Variants in ATAD2B observed in about 807,000 individuals in gnomAD.
The protein encoded by ATAD2B is ATPase family AAA domain containing 2B, also known as ATPase family AAA domain-containing protein 2B.
ATAD2B carries 40 observed loss-of-function variants against 167.6 expected under a neutral mutation model. The ratio of observed to expected loss-of-function variants is 0.24; its 90% CI spans 0.19 to 0.31. ATAD2B has a LOEUF of 0.31. Ranked by LOEUF, ATAD2B falls within the 10% of genes least tolerant of loss-of-function variation. The probability of loss-of-function intolerance (pLI) is 1.00; values close to 1 mark genes in which losing one functional copy is unlikely to be tolerated. For synonymous variants in ATAD2B, 579 were observed against 596.5 expected (o/e 0.97, Z 0.43); for missense variants, 1,242 against 1,757.2 (o/e 0.71, Z 5.24).
the ATAD2B span, among the ~76,000 whole-genome samples, chr2:23,718,645 T>G: frequency 6.6e-6 from 1 of 152,210 alleles, no homozygotes; most frequent in South Asian, 2.1e-4. Flanking sequence ...AAAAAATCAC[T>G]GCAAACTTAG....
At chr2:23,843,295 T>C (rs1553420327) in intron 13 of ATAD2B, among the ~76,000 whole-genome samples, 15 of 152,072 alleles carry the variant, frequency 9.9e-5, no homozygotes, top group Non-Finnish European at 2.1e-4. Flanking sequence ...AGACAAAAAT[T>C]ATCCAAGGTG....
At chr2:23,693,409 A>G in the ATAD2B span, 2 of 1,551,610 alleles carry the variant, frequency 1.3e-6, no homozygotes, top group African/African-American at 1.4e-5. Flanking sequence ...GATCCTCAGC[A>G]TCTCCAAGGA....
At chr2:23,678,481 C>A in the ATAD2B span, among the ~76,000 whole-genome samples, 3 of 152,142 alleles carry the variant, frequency 2.0e-5, no homozygotes, top group Non-Finnish European at 2.9e-5. Flanking sequence ...GCATGAGAGA[C>A]CACGTGGAGC....
chr2:23,744,337 TA>T (rs1352015133), downstream of ATAD2B, among the ~76,000 whole-genome samples: 1 of 152,154 alleles, frequency 6.6e-6, no homozygotes, highest in Non-Finnish European at 1.5e-5. Context: ...TGCTGTTTTT[TA>T]TAACAAGCCT....
In ATAD2B at chr2:23,823,436, T is replaced by G; in HGVS notation, c.1953A>C (p.Gln651His). ...TATTCTGCATTGCATGGTAAAAATC[T>G]TGGGCACTAAGCACTATTGAGGAAA... ...LDVSSIVLSAQDFYHAMQNIV... is the reference protein window; with the variant it reads ...LDVSSIVLSAHDFYHAMQNIV... The change falls in exon 16 of 28, where the codon CAA (glutamine) becomes CAC (histidine). Residue 651 changes from glutamine to histidine, a missense_variant. This residue lies in a region of ATAD2B where 145 missense variants were observed against 181.9 expected (regional missense o/e 0.80). Transcript: ENST00000238789. The G allele has an allele frequency of 4.3e-6, 7 of 1,613,998 alleles. No individual in the cohort carries two copies. The highest frequency in any genetic ancestry group is 5.9e-6 in the Non-Finnish European group (7 of 1,179,892).
intron 1 of ATAD2B, among the ~76,000 whole-genome samples, chr2:23,910,308 A>C (rs1224776792): frequency 6.7e-6 from 1 of 150,154 alleles, no homozygotes; most frequent in East Asian, 2.0e-4. Context: ...CCTCCTGAGT[A>C]GCTGGGATTA....
the ATAD2B span, among the ~76,000 whole-genome samples, chr2:23,724,494 C>T: frequency 5.7e-4 from 86 of 152,010 alleles, no homozygotes; most frequent in Admixed American, 9.8e-4. Flanking sequence ...AAAAGAGCCT[C>T]AGAGACCTTC....
chr2:23,897,924 T>C (rs1700341284), intron 1 of ATAD2B, among the ~76,000 whole-genome samples: 1 of 152,348 alleles, frequency 6.6e-6, no homozygotes, highest in South Asian at 2.1e-4. Flanking sequence ...CAGAGAGAGC[T>C]AAGGAATATA....
rs761935333 is a variant in ATAD2B at position 23,757,840 on chromosome 2, T to C, written c.3656A>G (p.Gln1219Arg). ...TGTGCCTGCTCCATTGTTAAGCCTC[T>C]GCCCCTGGTCCAAGTCCATGATGTC... ...SCDIMDLDQG[Q>R]RLNNGAGTKE... The change falls in exon 25 of 28, where the codon CAG (glutamine) becomes CGG (arginine). Residue 1219 changes from glutamine (Q) to arginine (R), a missense_variant. Physicochemically the swap from Gln to Arg is conservative, Grantham distance 43 (BLOSUM62 1). Coordinates refer to ENST00000238789, the MANE Select transcript of ATAD2B (RefSeq NM_017552.4). 1 of 1,579,944 alleles carries C rather than the reference T, an allele frequency of 6.3e-7. No individual in the cohort carries two copies. The highest frequency in any genetic ancestry group is 1.9e-5 in the Admixed American group (1 of 52,128).
At chr2:23,811,682 C>T (rs1377663742) in intron 17 of ATAD2B, among the ~76,000 whole-genome samples, 3 of 151,972 alleles carry the variant, frequency 2.0e-5, no homozygotes, top group Non-Finnish European at 4.4e-5. Context: ...ACCACCATGG[C>T]ACATGTATAC....
the ATAD2B span, among the ~76,000 whole-genome samples, chr2:23,725,992 T>C: frequency 6.6e-6 from 1 of 151,708 alleles, no homozygotes. Context: ...AGAGTGACAC[T>C]ACACACACAC....
chr2:23,768,542 A>G (rs1432893896), intron 22 of ATAD2B, among the ~76,000 whole-genome samples: 1 of 151,892 alleles, frequency 6.6e-6, no homozygotes, highest in Admixed American at 6.6e-5. Flanking sequence ...ACTGCACTCC[A>G]GCCTGAGCAA....
intron 10 of ATAD2B, among the ~76,000 whole-genome samples, chr2:23,865,630 G>A (rs986091754): frequency 3.3e-5 from 5 of 152,006 alleles, no homozygotes; most frequent in Admixed American, 2.0e-4. Context: ...GGCAAAAATT[G>A]GTTCAAGGGT....
At chr2:23,754,581 T>G in intron 26 of ATAD2B, 66 bp downstream of exon 26, 1 of 1,553,682 alleles carries the variant, frequency 6.4e-7, no homozygotes, top group Non-Finnish European at 8.7e-7. Context: ...TTTACTCAAC[T>G]GCCTACAAAC....
intron 10 of ATAD2B, among the ~76,000 whole-genome samples, chr2:23,866,300 G>A (rs1399914922): frequency 6.6e-6 from 1 of 152,186 alleles, no homozygotes; most frequent in African/African-American, 2.4e-5. Context: ...AGCTACTCGG[G>A]AGGCTGAGGC....
rs1323936803 is a variant in ATAD2B at position 23,905,022 on chromosome 2, T to C, written c.217-9052A>G. On this transcript the variant is annotated intron_variant, in intron 1 of 27. Transcript: ENST00000238789. ...CAAGGGCTTACTAGTTTAGTATTTCTAAGCAATCATCATGAAAGAATACAG... is the reference window on the plus strand; with the variant it reads ...CAAGGGCTTACTAGTTTAGTATTTCCAAGCAATCATCATGAAAGAATACAG... 4.6e-5 allele frequency among the ~76,000 whole-genome samples: 7 copies of C among 152,120 alleles called. No individual in the cohort carries two copies. The East Asian group carries it at 1.2e-3, about 25-fold the overall frequency.
At chr2:23,712,261 G>A in the ATAD2B span, among the ~76,000 whole-genome samples, 25 of 152,316 alleles carry the variant, frequency 1.6e-4, no homozygotes, top group African/African-American at 5.8e-4. Flanking sequence ...AAAATCCGTA[G>A]TAAGAAAACA....
At chr2:23,828,798 G>A (rs1688614661) in intron 15 of ATAD2B, 51 bp downstream of exon 15, 3 of 1,185,242 alleles carry the variant, frequency 2.5e-6, no homozygotes, top group South Asian at 1.3e-5. Context: ...GGAAAGGGAG[G>A]TTGAGCAGAA....
chr2:23,917,502 T>C (rs72796327), intron 1 of ATAD2B, among the ~76,000 whole-genome samples: 16,690 of 152,126 alleles, frequency 0.11, 1,009 homozygotes, highest in Middle Eastern at 0.18. Context: ...CGCAAATGTA[T>C]ACACTGTAAA....
Sources: allele counts gnomAD v4.1 joint callset (sites outside exome capture counted in the v4.1 genomes callset), GRCh38; gene constraint gnomAD v4.1.1; regional missense constraint gnomAD v4.1.1; transcripts MANE v1.5; gene names NCBI Gene and HGNC (gene_info 2026-07-23, HGNC 2026-07-21).